ANO4: variants seen among roughly 807,000 people sequenced by gnomAD.
The protein encoded by ANO4 is anoctamin-4.
In ANO4, 69 loss-of-function variants were observed where a neutral mutation model predicts 141.9. The observed-to-expected ratio is 0.49, with a 90% confidence interval of 0.40 to 0.59. The LOEUF is 0.59. Among genes scored for constraint, ANO4 ranks in the 20% least tolerant of loss-of-function variants. The pLI, the probability that ANO4 is intolerant of heterozygous loss-of-function variation, is 0.00. For synonymous variants in ANO4, 350 were observed against 394.3 expected (o/e 0.89, Z 1.33); for missense variants, 894 against 1,162.2 (o/e 0.77, Z 3.36).
Position 100,940,285 on chromosome 12 carries a change from C to T in ANO4, c.297+834C>T, listed in dbSNP as rs11829378. ...AGATACTTTGGAAACCATAATGTGGCGTAAAGAATGGACTTTGAAAGGGAC... is the reference window on the plus strand; with the variant it reads ...AGATACTTTGGAAACCATAATGTGGTGTAAAGAATGGACTTTGAAAGGGAC... On this transcript the variant is annotated intron_variant, in intron 4 of 27. Transcript: ENST00000392977. Among the ~76,000 whole-genome samples the T allele has an allele frequency of 6.4e-3, 974 of 151,346 alleles. 12 individuals are homozygous for T. The highest frequency in any genetic ancestry group is 0.022 in the African/African-American group (925 of 41,196).
intron 8 of ANO4, among the ~76,000 whole-genome samples, chr12:100,991,764 A>G (rs61944887): frequency 0.017 from 2,527 of 152,300 alleles, 34 homozygotes; most frequent in Middle Eastern, 0.051. Context: ...TGAATCCCAT[A>G]GTAAGTGCTT....
intron 3 of ANO4, among the ~76,000 whole-genome samples, chr12:100,762,591 T>G (rs1469935218): frequency 6.6e-6 from 1 of 152,156 alleles, no homozygotes; most frequent in Admixed American, 6.5e-5. Context: ...AAGTGCTTAC[T>G]TCCCTGGGGA....
intron 1 of ANO4, among the ~76,000 whole-genome samples, chr12:100,839,594 A>G (rs1359202118): frequency 6.6e-6 from 1 of 152,152 alleles, no homozygotes; most frequent in Non-Finnish European, 1.5e-5. Context: ...GTATCTTACA[A>G]TCAGTGGCAT....
At chr12:100,772,266 T>A (rs2033330815) in intron 3 of ANO4, among the ~76,000 whole-genome samples, 1 of 152,228 alleles carries the variant, frequency 6.6e-6, no homozygotes, top group Non-Finnish European at 1.5e-5. Context: ...TGTGCTTGTA[T>A]GAGTTATGCA....
chr12:100,904,620 G>A, intron 2 of ANO4, among the ~76,000 whole-genome samples: 1 of 152,162 alleles, frequency 6.6e-6, no homozygotes, highest in East Asian at 1.9e-4. Context: ...TCAACTTGGA[G>A]TGGAGTGAGT....
At chr12:100,741,326 G>T (rs2031856100) in intron 3 of ANO4, among the ~76,000 whole-genome samples, 1 of 152,110 alleles carries the variant, frequency 6.6e-6, no homozygotes. Context: ...AGATGCTGAG[G>T]TTGCAGAAGT....
intron 9 of ANO4, among the ~76,000 whole-genome samples, chr12:101,026,953 G>A (rs2046763755): frequency 6.6e-6 from 1 of 152,166 alleles, no homozygotes; most frequent in Non-Finnish European, 1.5e-5. Context: ...GGCCAAGATG[G>A]CTGACTAGAA....
At chr12:101,011,125 G>A (rs1334844200) in intron 8 of ANO4, among the ~76,000 whole-genome samples, 2 of 151,984 alleles carry the variant, frequency 1.3e-5, no homozygotes, top group East Asian at 3.9e-4. Context: ...GCAGCCTTGG[G>A]GCAGCATTCC....
intron 5 of ANO4, among the ~76,000 whole-genome samples, chr12:100,953,759 A>C (rs909680006): frequency 6.6e-5 from 10 of 152,202 alleles, no homozygotes; most frequent in African/African-American, 1.9e-4. Flanking sequence ...TGGAATTTGC[A>C]TGTCTAAACC....
intron 24 of ANO4, among the ~76,000 whole-genome samples, chr12:101,113,982 C>G (rs2050757812): frequency 6.6e-6 from 1 of 152,194 alleles, no homozygotes; most frequent in Admixed American, 6.5e-5. Flanking sequence ...ACTTTATATT[C>G]ACAGGAAACC....
chr12:100,942,831 A>G (rs149946245), intron 5 of ANO4, among the ~76,000 whole-genome samples: 1 of 152,300 alleles, frequency 6.6e-6, no homozygotes, highest in Admixed American at 6.5e-5. Flanking sequence ...TTCTCTGTAT[A>G]TGTAAATGGA....
intron 3 of ANO4, among the ~76,000 whole-genome samples, chr12:100,746,372 G>A (rs775090771): frequency 4.0e-5 from 6 of 151,880 alleles, no homozygotes; most frequent in African/African-American, 7.2e-5. Flanking sequence ...AGAATTGCTT[G>A]AACCCGGCAG....
intron 2 of ANO4, among the ~76,000 whole-genome samples, chr12:100,919,870 A>G (rs2041551624): frequency 6.6e-6 from 1 of 151,938 alleles, no homozygotes; most frequent in Non-Finnish European, 1.5e-5. Flanking sequence ...TTCTTTGAAG[A>G]CAGAATTTAA....
intron 14 of ANO4, among the ~76,000 whole-genome samples, chr12:101,053,954 C>T (rs1304724970): frequency 1.3e-5 from 2 of 152,206 alleles, no homozygotes; most frequent in Admixed American, 6.5e-5. Flanking sequence ...ACTCTGGCAA[C>T]AGTGCAGGGA....
intron 11 of ANO4, among the ~76,000 whole-genome samples, chr12:101,041,557 A>C (rs2047411193): frequency 1.3e-5 from 2 of 152,244 alleles, no homozygotes. Context: ...AATGCATATT[A>C]ATTAACTGTC....
intron 14 of ANO4, among the ~76,000 whole-genome samples, chr12:101,053,265 G>A (rs1174262380): frequency 6.6e-6 from 1 of 152,156 alleles, no homozygotes; most frequent in Non-Finnish European, 1.5e-5. Flanking sequence ...AGAGTAGTGG[G>A]GTTGGAAGGA....
intron 2 of ANO4, among the ~76,000 whole-genome samples, chr12:100,917,459 A>G (rs991688135): frequency 2.0e-5 from 3 of 152,238 alleles, no homozygotes; most frequent in East Asian, 3.9e-4. Context: ...AGAAATTATA[A>G]CAAAAAGCTA....
chr12:101,067,778 T>A (rs899950449), intron 14 of ANO4, among the ~76,000 whole-genome samples: 1 of 152,210 alleles, frequency 6.6e-6, no homozygotes, highest in African/African-American at 2.4e-5. Context: ...TAAAGGAGAT[T>A]TCCATGCATT....
rs149559670 is a variant in ANO4, at chr12:100,725,641, C to T, written c.22+8094C>T. On this transcript the variant is annotated intron_variant, in intron 1 of 29. Transcript: ENST00000644049. ...GATTATAGGCATGAGCCACCACACC[C>T]GGCCGGAAATTGCTATCTTAACTGT... Among the ~76,000 whole-genome samples, 568 of 152,216 alleles carry T rather than the reference C, an allele frequency of 3.7e-3. 2 individuals carry two copies. Among genetic ancestry groups the T allele is most frequent in the African/African-American group, 8.2e-3 (339 of 41,548 alleles).
Sources: gnomAD v4.1 joint callset for allele counts (sites outside exome capture counted in the v4.1 genomes callset) on GRCh38, gnomAD v4.1.1 for gene constraint, MANE v1.5 for transcripts, NCBI Gene and HGNC (gene_info 2026-07-23, HGNC 2026-07-21) for gene names.